Variants in GATC observed in about 807,000 individuals in gnomAD.
GATC encodes the protein glutamyl-tRNA(Gln) amidotransferase subunit C, mitochondrial.
A neutral mutation model predicts 14.4 loss-of-function variants in GATC; 11 were observed. That is an observed-to-expected ratio of 0.77 (90% CI 0.48 to 1.27). GATC has a LOEUF of 1.27. Among genes scored for constraint, GATC ranks in the 50% most tolerant of loss-of-function variants. The pLI is 0.00. For synonymous variants in GATC, 76 were observed against 79.3 expected (o/e 0.96, Z 0.22); for missense variants, 204 against 183.0 (o/e 1.11, Z -0.66).
At chr12:120,459,651 TCGAGAC>T (rs1209282664) in intron 3 of GATC, among the ~76,000 whole-genome samples, 1 of 152,086 alleles carries the variant, frequency 6.6e-6, no homozygotes, top group African/African-American at 2.4e-5. Flanking sequence ...GGTCAGGAGA[TCGAGAC>T]CATCCTGGCT....
chr12:120,457,272 C>A, intron 3 of GATC, 93 bp downstream of exon 3: 1 of 947,880 alleles, frequency 1.1e-6, no homozygotes, highest in Non-Finnish European at 1.7e-6. Context: ...TATGTGAAGG[C>A]ACTTTGAAAA....
At chr12:120,450,054 G>A (rs1877998051) in intron 2 of GATC, among the ~76,000 whole-genome samples, 1 of 152,174 alleles carries the variant, frequency 6.6e-6, no homozygotes, top group Non-Finnish European at 1.5e-5. Context: ...GAGCCACCAT[G>A]CCCGGTCCCA....
At chr12:120,456,456 T>C (rs1476678593) in intron 2 of GATC, among the ~76,000 whole-genome samples, 1 of 152,182 alleles carries the variant, frequency 6.6e-6, no homozygotes. Context: ...CTTAAGTTAC[T>C]CTTGTGGCAA....
intron 2 of GATC, among the ~76,000 whole-genome samples, chr12:120,448,809 C>G (rs1877955222): frequency 2.0e-5 from 3 of 151,362 alleles, no homozygotes; most frequent in Admixed American, 6.6e-5. Context: ...CCACGCCCAG[C>G]TAATTTTTGT....
At position 120,455,924 on chromosome 12, in the gene GATC, G is replaced by A. The variant is rs192601681; in HGVS notation, c.255-1152G>A. 4.3e-3 allele frequency among the ~76,000 whole-genome samples: 648 copies of A among 152,100 alleles called. 2 individuals carry two copies. Among genetic ancestry groups the A allele is most frequent in the African/African-American group, 0.015 (614 of 41,478 alleles). Reference sequence around the variant, plus strand: ...GATGGTCTCGATCTCCTGACCTCGTGATCCGCCCACCTCGGCCTCCCAAAG... The same window carrying A: ...GATGGTCTCGATCTCCTGACCTCGTAATCCGCCCACCTCGGCCTCCCAAAG... On this transcript the variant is annotated intron_variant, in intron 2 of 3. Transcript: ENST00000551765.
In GATC at chr12:120,446,825, G is replaced by T. The variant is rs1449619966; in HGVS notation, c.250G>T (p.Asp84Tyr). ...GVEPMESVLE[D>Y]RCLYLRSDNV... ...GGAGCCCATGGAATCGGTCCTGGAGGACAGGTAAACTCGCGGCTGCAGCCC... is the reference window on the plus strand; with the variant it reads ...GGAGCCCATGGAATCGGTCCTGGAGTACAGGTAAACTCGCGGCTGCAGCCC... The change falls in exon 2 of 4, where the codon GAC (aspartate) becomes TAC (tyrosine). Residue 84 changes from aspartate (D) to tyrosine (Y), a missense_variant. By Grantham distance (160) the Asp-to-Tyr change is radical (BLOSUM62 -3). Coordinates refer to ENST00000551765, the MANE Select transcript of GATC (RefSeq NM_176818.3). The T allele has an allele frequency of 1.3e-6, 2 of 1,598,682 alleles. No homozygotes were observed. Among genetic ancestry groups the T allele is most frequent in the South Asian group, 1.1e-5 (1 of 90,226 alleles).
At chr12:120,446,585 G>T (rs1565911789) in intron 1 of GATC, 24 bp downstream of exon 1, 1 of 1,591,800 alleles carries the variant, frequency 6.3e-7, no homozygotes, top group Non-Finnish European at 8.6e-7. Flanking sequence ...CCATCTAGGC[G>T]GGTGGCGGAG....
rs756275363 is a variant in GATC at position 120,462,121 on chromosome 12, G to C, written c.*2162G>C. 1 of 1,612,688 alleles carries C rather than the reference G, an allele frequency of 6.2e-7. No individual in the cohort carries two copies. The highest frequency in any genetic ancestry group is 8.5e-7 in the Non-Finnish European group (1 of 1,179,872). ...ACCGAGACCGTGAGTAGCCATAGCT[G>C]GTGCTTCTCTCAGGATAAACTCGGA... On this transcript the variant is annotated 3_prime_UTR_variant, in exon 4 of 4. Coordinates refer to ENST00000551765, the MANE Select transcript of GATC (RefSeq NM_176818.3).
rs1483456128 is a variant in GATC, at chr12:120,460,012, A to C, written c.*53A>C. ...TGTGAACATGTGGAAGCATAATGAC[A>C]GTATTTTTTTACTGTGAATACTAAT... On this transcript the variant is annotated 3_prime_UTR_variant, in exon 4 of 4. Coordinates refer to ENST00000551765, the MANE Select transcript of GATC (RefSeq NM_176818.3). 1 of 1,414,798 alleles carries C rather than the reference A, an allele frequency of 7.1e-7. No homozygotes were observed. Among genetic ancestry groups the C allele is most frequent in the African/African-American group, 1.4e-5 (1 of 70,010 alleles). The allele number at this position is 1,414,798 out of a possible 1,614,324, so 87.6% of individuals were successfully genotyped here.
rs763748905 is a variant in GATC at position 120,446,453 on chromosome 12, C to G, written c.-28C>G. 12 of 1,604,138 alleles carry G rather than the reference C, an allele frequency of 7.5e-6. No individual in the cohort carries two copies. The highest frequency in any genetic ancestry group is 5.3e-5 in the African/African-American group (4 of 74,770). ...CGCGTCGCTCGGCGTTACGCGCGGG[C>G]GCACTGCGGGGGCCAAGGAAGGAAG... is the stretch of plus-strand genomic sequence containing the variant. On this transcript the variant is annotated 5_prime_UTR_variant, in exon 1 of 4. Coordinates refer to ENST00000551765, the MANE Select transcript of GATC (RefSeq NM_176818.3).
intron 2 of GATC, among the ~76,000 whole-genome samples, chr12:120,450,282 G>A (rs1878003853): frequency 6.6e-6 from 1 of 152,160 alleles, no homozygotes; most frequent in Admixed American, 6.5e-5. Context: ...AACCAGTTTG[G>A]GTTAATAATT....
chr12:120,456,976 G>T, intron 2 of GATC, 100 bp from the exon 3 acceptor site: 1 of 763,134 alleles, frequency 1.3e-6, no homozygotes, highest in South Asian at 1.5e-5. Flanking sequence ...ATTAACTCAA[G>T]AATATACTGC....
intron 2 of GATC, among the ~76,000 whole-genome samples, chr12:120,452,113 G>A (rs936249557): frequency 2.0e-5 from 3 of 152,014 alleles, no homozygotes; most frequent in African/African-American, 7.2e-5. Context: ...CTGACCTCAG[G>A]TCATCCGCCT....
intron 2 of GATC, among the ~76,000 whole-genome samples, chr12:120,456,645 C>T (rs1244004035): frequency 6.6e-6 from 1 of 152,174 alleles, no homozygotes; most frequent in East Asian, 1.9e-4. Context: ...ATCCCCCAAT[C>T]CAGCTATTTC....
Position 120,460,186 on chromosome 12 carries a change from G to C in GATC, c.*227G>C. On this transcript the variant is annotated 3_prime_UTR_variant, in exon 4 of 4. Coordinates refer to ENST00000551765, the MANE Select transcript of GATC (RefSeq NM_176818.3). ...TGAGGTGAAAGAAAAGCAAAAGTCA[G>C]CTTCCAAGGAATTCACTTAACAGGC... The C allele has an allele frequency of 2.1e-6, 1 of 467,334 alleles. No homozygotes were observed. The highest frequency in any genetic ancestry group is 4.0e-5 in the East Asian group (1 of 25,056). The allele number at this position is 467,334 out of a possible 1,614,324, so 28.9% of individuals were successfully genotyped here.
intron 2 of GATC, among the ~76,000 whole-genome samples, chr12:120,453,847 AC>A (rs1181080284): frequency 1.3e-5 from 2 of 151,850 alleles, no homozygotes; most frequent in Non-Finnish European, 2.9e-5. Flanking sequence ...AACAACAACA[AC>A]AACAACAAAA....
Position 120,462,008 on chromosome 12 carries a change from C to T in GATC, c.*2049C>T, listed in dbSNP as rs781270406. ...ACCTAAAAAATAAAGAAAAAATTCC[C>T]ATCACCTGTCTCAGTAGGGCCTGAA... On this transcript the variant is annotated 3_prime_UTR_variant, in exon 4 of 4. Coordinates refer to ENST00000551765, the MANE Select transcript of GATC (RefSeq NM_176818.3). The T allele has an allele frequency of 7.5e-6, 12 of 1,594,154 alleles. No homozygotes were observed. In the East Asian group the frequency reaches 1.4e-4, roughly 18 times the overall value.
intron 2 of GATC, among the ~76,000 whole-genome samples, chr12:120,450,090 A>T (rs1254127766): frequency 6.6e-6 from 1 of 152,160 alleles, no homozygotes; most frequent in Non-Finnish European, 1.5e-5. Context: ...ATCTCTAGGA[A>T]AGGAGGGACT....
chr12:120,463,619 C>T lies in GATC; in HGVS notation c.*3660C>T. 1 of 182,772 alleles carries T rather than the reference C, an allele frequency of 5.5e-6. No homozygotes were observed. Among genetic ancestry groups the T allele is most frequent in the Non-Finnish European group, 1.1e-5 (1 of 87,198 alleles). 11.3% of individuals were successfully genotyped at this position (182,772 alleles called of 1,614,324 possible). A position where few individuals can be genotyped will look rare whatever the true frequency, so the allele number is the denominator to read the frequency against. ...TAGTTGAGTTCACAGAGGGATACTG[C>T]CATTTAAGCTGGTTGTGAATGGGGT... On this transcript the variant is annotated 3_prime_UTR_variant, in exon 4 of 4. Coordinates refer to ENST00000551765, the MANE Select transcript of GATC (RefSeq NM_176818.3).
Sources: allele counts gnomAD v4.1 joint callset (sites outside exome capture counted in the v4.1 genomes callset), GRCh38; gene constraint gnomAD v4.1.1; transcripts MANE v1.5; gene names NCBI Gene and HGNC (gene_info 2026-07-23, HGNC 2026-07-21).